Variants in NDST4 observed in about 807,000 individuals in gnomAD.
NDST4 encodes N-deacetylase and N-sulfotransferase 4.
Under a neutral mutation model 100.8 loss-of-function variants are expected in NDST4, and 63 were observed. That is an observed-to-expected ratio of 0.62 (90% CI 0.51 to 0.77). The LOEUF (loss-of-function observed/expected upper bound fraction) is 0.77, where lower values mean the gene tolerates loss of function less well. Ranked by LOEUF, NDST4 falls within the 30% of genes least tolerant of loss-of-function variation. The pLI is 0.00. For synonymous variants in NDST4, 377 were observed against 361.8 expected (o/e 1.04, Z -0.48); for missense variants, 943 against 1,018.4 (o/e 0.93, Z 1.01).
intron 4 of NDST4, among the ~76,000 whole-genome samples, chr4:114,942,350 AT>A (rs1403358195): frequency 6.6e-6 from 1 of 152,124 alleles, no homozygotes; most frequent in Non-Finnish European, 1.5e-5. Context: ...AAGTGTCTTA[AT>A]TTTTGGTGAA....
chr4:114,888,024 G>A (rs564218432), intron 6 of NDST4, among the ~76,000 whole-genome samples: 2 of 152,064 alleles, frequency 1.3e-5, no homozygotes, highest in Non-Finnish European at 2.9e-5. Flanking sequence ...CCAACTTGGC[G>A]AAACCCTGAC....
intron 9 of NDST4, 77 bp from the exon 10 acceptor site, chr4:114,846,074 C>T (rs1195728204): frequency 5.6e-6 from 6 of 1,062,420 alleles, no homozygotes; most frequent in Non-Finnish European, 8.2e-6. Flanking sequence ...ATAATTGGAA[C>T]ATTTTAATAT....
At chr4:114,993,541 A>G (rs992711997) in intron 2 of NDST4, among the ~76,000 whole-genome samples, 17 of 152,022 alleles carry the variant, frequency 1.1e-4, no homozygotes, top group Admixed American at 1.1e-3. Context: ...TTGCCTTTAC[A>G]CCTATTTTTG....
At chr4:115,003,190 T>TA (rs1727336047) in intron 2 of NDST4, among the ~76,000 whole-genome samples, 1 of 152,112 alleles carries the variant, frequency 6.6e-6, no homozygotes, top group Admixed American at 6.6e-5. Context: ...GGCACATGTA[T>TA]AGCTATATAA....
At chr4:114,828,186 T>C (rs1723122153) in intron 13 of NDST4, among the ~76,000 whole-genome samples, 1 of 152,084 alleles carries the variant, frequency 6.6e-6, no homozygotes, top group Non-Finnish European at 1.5e-5. Flanking sequence ...ATATTTATTG[T>C]GGGATATATG....
At chr4:115,080,005 C>A (rs1366814080) in intron 1 of NDST4, among the ~76,000 whole-genome samples, 1 of 152,054 alleles carries the variant, frequency 6.6e-6, no homozygotes, top group Admixed American at 6.6e-5. Flanking sequence ...TATAAGTGGA[C>A]CTTAGCTTTT....
intron 1 of NDST4, among the ~76,000 whole-genome samples, chr4:115,090,336 A>AT (rs915957412): frequency 6.8e-4 from 103 of 152,026 alleles, no homozygotes; most frequent in African/African-American, 2.5e-3. Flanking sequence ...CCTAATTTTT[A>AT]TTTTTTAAAA....
intron 2 of NDST4, among the ~76,000 whole-genome samples, chr4:114,981,965 G>C (rs2126246724): frequency 6.6e-6 from 1 of 152,260 alleles, no homozygotes; most frequent in East Asian, 1.9e-4. Flanking sequence ...TCTCCCTAGT[G>C]CTGTCTCATG....
At chr4:115,053,773 C>T (rs367728580) in intron 2 of NDST4, among the ~76,000 whole-genome samples, 7 of 152,140 alleles carry the variant, frequency 4.6e-5, no homozygotes, top group Admixed American at 2.0e-4. Context: ...TATGTGGTTC[C>T]CTAAAAATGT....
At chr4:114,923,379 C>T (rs2126219932) in intron 6 of NDST4, among the ~76,000 whole-genome samples, 1 of 151,836 alleles carries the variant, frequency 6.6e-6, no homozygotes, top group African/African-American at 2.4e-5. Flanking sequence ...ATTCACTGTA[C>T]TTAAAAAAAT....
At chr4:114,974,090 A>G (rs929576855) in intron 3 of NDST4, among the ~76,000 whole-genome samples, 7 of 152,016 alleles carry the variant, frequency 4.6e-5, no homozygotes, top group Non-Finnish European at 8.8e-5. Context: ...AGCACTTGTA[A>G]CATGCTAAGC....
At chr4:114,915,731 G>C in intron 6 of NDST4, among the ~76,000 whole-genome samples, 1 of 152,066 alleles carries the variant, frequency 6.6e-6, no homozygotes, top group East Asian at 1.9e-4. Flanking sequence ...TCAGTGGACA[G>C]TGTAATATTA....
chr4:114,935,660 A>C (rs1725613450), intron 5 of NDST4, among the ~76,000 whole-genome samples: 1 of 152,206 alleles, frequency 6.6e-6, no homozygotes, highest in African/African-American at 2.4e-5. Context: ...AAATTCTCCA[A>C]GGTTCCGTCT....
chr4:115,112,429 G>A (rs912098991), intron 1 of NDST4, among the ~76,000 whole-genome samples: 1 of 151,832 alleles, frequency 6.6e-6, no homozygotes, highest in East Asian at 1.9e-4. Flanking sequence ...AAGCATTTAT[G>A]AAACTGTGCA....
intron 2 of NDST4, among the ~76,000 whole-genome samples, chr4:115,030,012 A>G (rs1228106114): frequency 6.6e-6 from 1 of 151,876 alleles, no homozygotes; most frequent in African/African-American, 2.4e-5. Context: ...AAAGAAGTCA[A>G]TATATTTTAC....
At chr4:114,914,203 G>C (rs965884513) in intron 6 of NDST4, among the ~76,000 whole-genome samples, 5 of 152,126 alleles carry the variant, frequency 3.3e-5, no homozygotes, top group South Asian at 4.2e-4. Flanking sequence ...CAGGGCATTG[G>C]GGGGAGGTGG....
chr4:114,861,898 CTCTT>C (rs947500713), intron 7 of NDST4, among the ~76,000 whole-genome samples: 1 of 152,132 alleles, frequency 6.6e-6, no homozygotes, highest in African/African-American at 2.4e-5. Context: ...CCACTCTTGT[CTCTT>C]TCTGAGTTTC....
At chr4:114,883,934 T>G (rs1724424910) in intron 6 of NDST4, among the ~76,000 whole-genome samples, 1 of 152,078 alleles carries the variant, frequency 6.6e-6, no homozygotes, top group African/African-American at 2.4e-5. Flanking sequence ...CAGGTTGTAA[T>G]GCTAGCTTGC....
chr4:114,848,820 G>C (rs1333835367), intron 8 of NDST4, among the ~76,000 whole-genome samples: 1 of 152,158 alleles, frequency 6.6e-6, no homozygotes, highest in African/African-American at 2.4e-5. Context: ...TCTTGATTAA[G>C]AAAACACATT....
Sources: allele counts gnomAD v4.1 joint callset (sites outside exome capture counted in the v4.1 genomes callset), GRCh38; gene constraint gnomAD v4.1.1; transcripts MANE v1.5; gene names NCBI Gene and HGNC (gene_info 2026-07-23, HGNC 2026-07-21).